LHFPL6: variants seen among roughly 807,000 people sequenced by gnomAD.
LHFPL6 encodes the protein LHFPL tetraspan subfamily member 6, also known as LHFPL tetraspan subfamily member 6 protein.
A neutral mutation model predicts 20.6 loss-of-function variants in LHFPL6; 9 were observed. That is an observed-to-expected ratio of 0.44 (90% confidence interval 0.26 to 0.76). The LOEUF (loss-of-function observed/expected upper bound fraction) is 0.76, where lower values mean the gene tolerates loss of function less well. Ranked by LOEUF, LHFPL6 falls within the 30% of genes least tolerant of loss-of-function variation. LHFPL6 has a pLI of 0.20. For missense variants in LHFPL6, 218 were observed against 253.5 expected (o/e 0.86, Z 0.95); for synonymous variants, 105 against 98.7 (o/e 1.06, Z -0.38).
intron 2 of LHFPL6, among the ~76,000 whole-genome samples, chr13:39,488,320 A>G (rs1868793758): frequency 6.6e-6 from 1 of 152,234 alleles, no homozygotes; most frequent in African/African-American, 2.4e-5. Flanking sequence ...ATAGCAATCC[A>G]AATGGACTAA....
chr13:39,597,665 T>A (rs1349060884), intron 2 of LHFPL6, among the ~76,000 whole-genome samples: 1 of 152,166 alleles, frequency 6.6e-6, no homozygotes, highest in African/African-American at 2.4e-5. Context: ...TAATATGAAA[T>A]GGAGATGGTG....
intron 2 of LHFPL6, among the ~76,000 whole-genome samples, chr13:39,427,775 C>T (rs1871683688): frequency 6.6e-6 from 1 of 152,130 alleles, no homozygotes; most frequent in African/African-American, 2.4e-5. Flanking sequence ...ACCCAAATCT[C>T]GTGTTGAATT....
At position 39,531,744 on chromosome 13, in the gene LHFPL6, A is replaced by T. The variant is rs146336869; in HGVS notation, c.385+69088T>A. On this transcript the variant is annotated intron_variant, in intron 2 of 3. Transcript: ENST00000379589. ...TGACCACCGCATTAAGAGCATAGACAATTCAACTAAAGAGTAAATACCTTT... is the reference window on the plus strand; with the variant it reads ...TGACCACCGCATTAAGAGCATAGACTATTCAACTAAAGAGTAAATACCTTT... Among the ~76,000 whole-genome samples, 790 of 152,312 alleles carry T rather than the reference A, an allele frequency of 5.2e-3. 11 individuals carry two copies. Among genetic ancestry groups the T allele is most frequent in the African/African-American group, 0.016 (682 of 41,564 alleles).
chr13:39,517,997 G>A (rs981443256), intron 2 of LHFPL6, among the ~76,000 whole-genome samples: 2 of 152,188 alleles, frequency 1.3e-5, no homozygotes, highest in African/African-American at 4.8e-5. Flanking sequence ...ATAAGCTACT[G>A]GCTGGGATTC....
intron 2 of LHFPL6, among the ~76,000 whole-genome samples, chr13:39,468,883 GAAA>G (rs5802990): frequency 6.7e-6 from 1 of 148,354 alleles, no homozygotes; most frequent in African/African-American, 2.5e-5. Flanking sequence ...CCAAATGTAA[GAAA>G]AAAAAAAAAA....
chr13:39,425,514 C>T lies in LHFPL6; in HGVS notation c.386-46988G>A, dbSNP rs541926379. Among the ~76,000 whole-genome samples, 10 of 152,340 alleles carry T rather than the reference C, an allele frequency of 6.6e-5. No individual in the cohort carries two copies. In the East Asian group the frequency reaches 1.5e-3, roughly 24 times the overall value. On this transcript the variant is annotated intron_variant, in intron 2 of 3. Coordinates refer to ENST00000379589, the MANE Select transcript of LHFPL6 (RefSeq NM_005780.3). ...AAACTGCATTAGCAGTTTATGAGAA[C>T]TCCAGTTCATCCTCGCCCATATTTT...
chr13:39,352,991 T>TATAA (rs1566091754), intron 3 of LHFPL6, among the ~76,000 whole-genome samples: 2 of 93,652 alleles, frequency 2.1e-5, no homozygotes, highest in African/African-American at 5.1e-5. Flanking sequence ...ATATATATAA[T>TATAA]TTTTTTTTTT....
intron 2 of LHFPL6, among the ~76,000 whole-genome samples, chr13:39,396,992 A>G (rs1870859035): frequency 6.6e-6 from 1 of 152,018 alleles, no homozygotes; most frequent in Admixed American, 6.6e-5. Context: ...TTTATTTCAG[A>G]CTTGTAGCCT....
chr13:39,352,281 A>T (rs919085748), intron 3 of LHFPL6, among the ~76,000 whole-genome samples: 1 of 152,196 alleles, frequency 6.6e-6, no homozygotes, highest in African/African-American at 2.4e-5. Flanking sequence ...TGTGAGCCCT[A>T]GCTGATTAAG....
At chr13:39,492,070 T>C (rs1868943110) in intron 2 of LHFPL6, among the ~76,000 whole-genome samples, 1 of 152,238 alleles carries the variant, frequency 6.6e-6, no homozygotes, top group Middle Eastern at 3.2e-3. Flanking sequence ...TCTTTCTATC[T>C]CCTTATCTCT....
At chr13:39,496,059 A>C (rs1869091267) in intron 2 of LHFPL6, among the ~76,000 whole-genome samples, 1 of 152,162 alleles carries the variant, frequency 6.6e-6, no homozygotes, top group Admixed American at 6.5e-5. Flanking sequence ...AACTCTATGG[A>C]AAAGGGAGAT....
At chr13:39,424,225 A>G (rs1401365009) in intron 2 of LHFPL6, among the ~76,000 whole-genome samples, 1 of 152,236 alleles carries the variant, frequency 6.6e-6, no homozygotes, top group Non-Finnish European at 1.5e-5. Context: ...TTTTAAAATA[A>G]TTTGACCTTA....
chr13:39,563,928 G>A (rs1254201933), intron 2 of LHFPL6, among the ~76,000 whole-genome samples: 7 of 152,088 alleles, frequency 4.6e-5, no homozygotes, highest in African/African-American at 1.2e-4. Context: ...CCCCTAGGGC[G>A]GTTATGTGAG....
At chr13:39,578,400 A>C (rs542662095) in intron 2 of LHFPL6, among the ~76,000 whole-genome samples, 1 of 152,330 alleles carries the variant, frequency 6.6e-6, no homozygotes, top group East Asian at 1.9e-4. Flanking sequence ...TCGTCTTTTG[A>C]AATTAACTTG....
At chr13:39,382,328 C>T (rs910763649) in intron 2 of LHFPL6, among the ~76,000 whole-genome samples, 6 of 152,176 alleles carry the variant, frequency 3.9e-5, no homozygotes, top group African/African-American at 1.4e-4. Flanking sequence ...TTGTCTCTTG[C>T]GTTCTGTCTG....
intron 2 of LHFPL6, among the ~76,000 whole-genome samples, chr13:39,423,625 A>G (rs879641990): frequency 1.3e-5 from 2 of 152,152 alleles, no homozygotes; most frequent in Non-Finnish European, 2.9e-5. Flanking sequence ...AAGCTGACAC[A>G]CAAAGGATAC....
intron 2 of LHFPL6, among the ~76,000 whole-genome samples, chr13:39,510,609 C>T (rs1869658854): frequency 6.6e-6 from 1 of 152,036 alleles, no homozygotes; most frequent in African/African-American, 2.4e-5. Flanking sequence ...AACCTTATGT[C>T]AATCAAGAGA....
At chr13:39,434,823 G>A (rs9594332) in intron 2 of LHFPL6, among the ~76,000 whole-genome samples, 29,328 of 151,924 alleles carry the variant, frequency 0.19, 2,980 homozygotes, top group East Asian at 0.34. Flanking sequence ...TTGGGAGGCC[G>A]AGGCGGGTGG....
chr13:39,543,309 T>A (rs906537529), intron 2 of LHFPL6, among the ~76,000 whole-genome samples: 2 of 152,246 alleles, frequency 1.3e-5, no homozygotes, highest in Non-Finnish European at 2.9e-5. Context: ...ATGCCAGTTC[T>A]TGCCCACTAG....
Sources: gnomAD v4.1 joint callset for allele counts (sites outside exome capture counted in the v4.1 genomes callset) on GRCh38, gnomAD v4.1.1 for gene constraint, MANE v1.5 for transcripts, NCBI Gene and HGNC (gene_info 2026-07-23, HGNC 2026-07-21) for gene names.